Variants in FARS2 observed in about 807,000 individuals in gnomAD.
FARS2 encodes phenylalanyl-tRNA synthetase 2, mitochondrial, also known as phenylalanine--tRNA ligase, mitochondrial.
Under a neutral mutation model 46.4 loss-of-function variants are expected in FARS2, and 40 were observed. The ratio of observed to expected loss-of-function variants is 0.86; its 90% CI spans 0.67 to 1.12. The LOEUF (loss-of-function observed/expected upper bound fraction) is 1.12. FARS2 is among the 50% of genes most tolerant of loss of function. The pLI is 0.00. For synonymous variants in FARS2, 234 were observed against 214.9 expected (o/e 1.09, Z -0.78); for missense variants, 513 against 567.9 (o/e 0.90, Z 0.98).
chr6:5,443,692 A>G (rs1209468214), intron 4 of FARS2, among the ~76,000 whole-genome samples: 1 of 152,180 alleles, frequency 6.6e-6, no homozygotes, highest in Non-Finnish European at 1.5e-5. Context: ...CCCCGCAGAC[A>G]GGTGGTGGTT....
Position 5,346,448 on chromosome 6 carries a change from G to A in FARS2, c.-21-22102G>A, listed in dbSNP as rs1157716236. On this transcript the variant is annotated intron_variant, in intron 1 of 6. Transcript: ENST00000274680. ...GGTTTCCTCAGGGACTGAGCCCTAT[G>A]TGCCTGTTTCACTTTCAGCCCCTGA... 6.6e-5 allele frequency among the ~76,000 whole-genome samples: 10 copies of A among 152,150 alleles called. No individual in the cohort carries two copies. The East Asian group carries it at 1.9e-3, about 29-fold the overall frequency.
intron 4 of FARS2, among the ~76,000 whole-genome samples, chr6:5,488,441 A>G (rs1766906248): frequency 6.6e-6 from 1 of 152,196 alleles, no homozygotes; most frequent in Non-Finnish European, 1.5e-5. Context: ...TAATGTACTT[A>G]TATTTGATTC....
At chr6:5,279,871 T>G (rs1372024058) in intron 1 of FARS2, among the ~76,000 whole-genome samples, 1 of 152,216 alleles carries the variant, frequency 6.6e-6, no homozygotes, top group East Asian at 1.9e-4. Context: ...TCCGTTATAC[T>G]TAAGTCTGCT....
chr6:5,339,219 T>C (rs1027293702), intron 1 of FARS2, among the ~76,000 whole-genome samples: 1 of 152,226 alleles, frequency 6.6e-6, no homozygotes, highest in Non-Finnish European at 1.5e-5. Context: ...AGTGCCAATG[T>C]GTAATGTTTT....
intron 4 of FARS2, among the ~76,000 whole-genome samples, chr6:5,505,944 GTCTTT>G (rs1768074660): frequency 1.3e-5 from 2 of 152,206 alleles, no homozygotes; most frequent in African/African-American, 4.8e-5. Context: ...AGCCAGAAGA[GTCTTT>G]TCTTTTCCAC....
At chr6:5,347,433 G>A (rs961480374) in intron 1 of FARS2, among the ~76,000 whole-genome samples, 1 of 151,806 alleles carries the variant, frequency 6.6e-6, no homozygotes, top group Non-Finnish European at 1.5e-5. Flanking sequence ...TATTCTTTGT[G>A]TCTGGTTTCC....
intron 4 of FARS2, among the ~76,000 whole-genome samples, chr6:5,497,205 A>T (rs939047311): frequency 6.6e-6 from 1 of 152,228 alleles, no homozygotes; most frequent in Non-Finnish European, 1.5e-5. Context: ...ATACAACAAT[A>T]CATATAATGA....
At chr6:5,291,687 G>T (rs1767515912) in intron 1 of FARS2, among the ~76,000 whole-genome samples, 1 of 152,090 alleles carries the variant, frequency 6.6e-6, no homozygotes, top group South Asian at 2.1e-4. Context: ...GAGTCCAGGA[G>T]TTTGAGGCTA....
Position 5,561,125 on chromosome 6 carries a change from C to T in FARS2, c.1065+15785C>T, listed in dbSNP as rs766443347. Among the ~76,000 whole-genome samples the T allele has an allele frequency of 1.3e-4, 19 of 151,970 alleles. 1 individual carries two copies. The highest frequency in any genetic ancestry group is 3.9e-4 in the African/African-American group (16 of 41,340). On this transcript the variant is annotated intron_variant, in intron 5 of 6. Transcript: ENST00000274680. ...CAGCCTGGGCAACAGAACAAGCCTC[C>T]GTCTCAAAAACAAAAACAAACAAAC...
chr6:5,635,090 C>G (rs772927732), intron 6 of FARS2, among the ~76,000 whole-genome samples: 1 of 152,172 alleles, frequency 6.6e-6, no homozygotes, highest in Non-Finnish European at 1.5e-5. Flanking sequence ...CCTCTCTAAG[C>G]GTCAATTTCT....
At chr6:5,562,839 C>G (rs1465813056) in intron 5 of FARS2, among the ~76,000 whole-genome samples, 1 of 144,892 alleles carries the variant, frequency 6.9e-6, no homozygotes, top group African/African-American at 2.6e-5. Flanking sequence ...GAGTTTCGCT[C>G]ATCGCCCAGG....
At chr6:5,522,607 T>C (rs956247519) in intron 4 of FARS2, among the ~76,000 whole-genome samples, 2 of 152,248 alleles carry the variant, frequency 1.3e-5, no homozygotes, top group African/African-American at 4.8e-5. Flanking sequence ...TTTTTATCCA[T>C]CGCTATTCCA....
Position 5,330,807 on chromosome 6 carries a change from T to C in FARS2, c.-21-37743T>C, listed in dbSNP as rs76740030. Among the ~76,000 whole-genome samples, 1,239 of 152,302 alleles carry C rather than the reference T, an allele frequency of 8.1e-3. 42 individuals carry two copies. Among genetic ancestry groups the C allele is most frequent in the East Asian group, 0.066 (344 of 5,182 alleles). ...GGAGTAAATATTACTGTAGTAGACA[T>C]TAATTCAATAATTTTTGGCTGGGTG... On this transcript the variant is annotated intron_variant, in intron 1 of 6. Coordinates refer to ENST00000274680, the MANE Select transcript of FARS2 (RefSeq NM_006567.5).
intron 1 of FARS2, among the ~76,000 whole-genome samples, chr6:5,335,766 T>C (rs1385287294): frequency 6.6e-6 from 1 of 152,180 alleles, no homozygotes; most frequent in Non-Finnish European, 1.5e-5. Flanking sequence ...AATCAAAAGG[T>C]ATAAAACATT....
At chr6:5,739,643 G>GCTT (rs1761193947) in intron 6 of FARS2, among the ~76,000 whole-genome samples, 1 of 152,206 alleles carries the variant, frequency 6.6e-6, no homozygotes, top group Non-Finnish European at 1.5e-5. Flanking sequence ...CGATCACTTT[G>GCTT]CTTCTTACAG....
intron 4 of FARS2, among the ~76,000 whole-genome samples, chr6:5,494,639 C>T (rs1767339188): frequency 6.6e-6 from 1 of 152,168 alleles, no homozygotes; most frequent in Non-Finnish European, 1.5e-5. Flanking sequence ...TACTACCCAT[C>T]CTTTCCACTT....
chr6:5,741,898 C>T (rs1441226140), intron 6 of FARS2, among the ~76,000 whole-genome samples: 5 of 152,144 alleles, frequency 3.3e-5, no homozygotes, highest in Non-Finnish European at 5.9e-5. Flanking sequence ...GTGATCCGCC[C>T]GCCTCAGCCT....
intron 4 of FARS2, among the ~76,000 whole-genome samples, chr6:5,441,596 T>G (rs1763846934): frequency 6.6e-6 from 1 of 152,220 alleles, no homozygotes; most frequent in Admixed American, 6.5e-5. Flanking sequence ...TTCTTTTGTT[T>G]TTTGCAGCTT....
intron 6 of FARS2, chr6:5,695,241 C>T (rs1230048975): frequency 6.6e-6 from 1 of 152,220 alleles, no homozygotes; most frequent in Non-Finnish European, 1.5e-5. Context: ...TCTTAGATCC[C>T]AGAGTGACTT....
Sources: gnomAD v4.1 joint callset for allele counts (sites outside exome capture counted in the v4.1 genomes callset) on GRCh38, gnomAD v4.1.1 for gene constraint, MANE v1.5 for transcripts, NCBI Gene and HGNC (gene_info 2026-07-23, HGNC 2026-07-21) for gene names.